Variants in THSD4 observed in about 807,000 individuals in gnomAD.
THSD4 encodes the protein thrombospondin type-1 domain-containing protein 4.
In THSD4, 69 loss-of-function variants were observed where a neutral mutation model predicts 119.0. The ratio of observed to expected loss-of-function variants is 0.58; its 90% CI spans 0.48 to 0.71. The LOEUF is 0.71. THSD4 is among the 30% of genes least tolerant of loss of function. The pLI is 0.00. For missense variants in THSD4, 1,393 were observed against 1,391.1 expected (o/e 1.00, Z -0.02); for synonymous variants, 524 against 540.4 (o/e 0.97, Z 0.42).
intron 7 of THSD4, among the ~76,000 whole-genome samples, chr15:71,499,773 A>C (rs2048083531): frequency 6.6e-6 from 1 of 152,104 alleles, no homozygotes; most frequent in Middle Eastern, 3.2e-3. Flanking sequence ...GGTGACTCCC[A>C]TATTTTACTT....
chr15:71,535,429 G>C (rs1344995151), intron 7 of THSD4, among the ~76,000 whole-genome samples: 3 of 152,176 alleles, frequency 2.0e-5, no homozygotes, highest in Non-Finnish European at 4.4e-5. Context: ...GGGCTATCAT[G>C]AATAATGCTG....
intron 4 of THSD4, among the ~76,000 whole-genome samples, chr15:71,215,852 G>A (rs2043928252): frequency 6.6e-6 from 1 of 152,232 alleles, no homozygotes; most frequent in Non-Finnish European, 1.5e-5. Context: ...TGGAGCCTTA[G>A]AATGCTCCCA....
intron 1 of THSD4, among the ~76,000 whole-genome samples, chr15:71,133,676 G>T (rs1294577899): frequency 6.6e-6 from 1 of 152,172 alleles, no homozygotes. Context: ...TCCCCACTTT[G>T]ATCTGCAGTA....
intron 1 of THSD4, among the ~76,000 whole-genome samples, chr15:71,133,328 G>A (rs931466752): frequency 1.3e-5 from 2 of 152,148 alleles, no homozygotes; most frequent in African/African-American, 4.8e-5. Flanking sequence ...CCTGGGCTGC[G>A]CAGTGGTGCC....
intron 7 of THSD4, among the ~76,000 whole-genome samples, chr15:71,576,409 G>A (rs2049449518): frequency 6.6e-6 from 1 of 152,070 alleles, no homozygotes; most frequent in South Asian, 2.1e-4. Flanking sequence ...CTCTCACTGG[G>A]AATTCTGAAT....
chr15:71,161,636 A>T (rs1170308041), intron 3 of THSD4, among the ~76,000 whole-genome samples: 1 of 151,268 alleles, frequency 6.6e-6, no homozygotes, highest in African/African-American at 2.4e-5. Context: ...TTTGTCTTTA[A>T]TGGCGAGGTG....
intron 7 of THSD4, among the ~76,000 whole-genome samples, chr15:71,456,823 G>A (rs557728090): frequency 1.8e-4 from 27 of 152,278 alleles, no homozygotes; most frequent in African/African-American, 6.0e-4. Flanking sequence ...CCATCTTGAG[G>A]CATTCCCTTC....
chr15:71,665,569 G>T (rs940034565), intron 8 of THSD4, among the ~76,000 whole-genome samples: 1 of 152,082 alleles, frequency 6.6e-6, no homozygotes, highest in Non-Finnish European at 1.5e-5. Flanking sequence ...TGAAATCCTT[G>T]CTAGTTCCTG....
At chr15:71,341,849 T>G in intron 6 of THSD4, 1 of 637,984 alleles carries the variant, frequency 1.6e-6, no homozygotes, top group Non-Finnish European at 2.8e-6. Context: ...TACTAGGTTT[T>G]TATTATATTT....
At chr15:71,761,704 G>A (rs2053630405) in intron 15 of THSD4, among the ~76,000 whole-genome samples, 1 of 152,144 alleles carries the variant, frequency 6.6e-6, no homozygotes, top group African/African-American at 2.4e-5. Flanking sequence ...TTTATGTCCT[G>A]TGTCTTCTTC....
Position 71,735,100 on chromosome 15 carries a change from A to T in THSD4, c.1631-2632A>T, listed in dbSNP as rs190409563. Among the ~76,000 whole-genome samples, 20 of 152,108 alleles carry T rather than the reference A, an allele frequency of 1.3e-4. No homozygotes were observed. The East Asian group carries it at 3.9e-3, about 29-fold the overall frequency. On this transcript the variant is annotated intron_variant, in intron 10 of 17. Coordinates refer to ENST00000261862, the MANE Select transcript of THSD4 (RefSeq NM_024817.3). ...GGGTTACACACACACACACACAGAC[A>T]CACACACACACATATTCTCACTCCA... is the stretch of plus-strand genomic sequence containing the variant.
intron 7 of THSD4, among the ~76,000 whole-genome samples, chr15:71,634,949 T>A (rs1272405903): frequency 1.3e-5 from 2 of 152,228 alleles, no homozygotes; most frequent in African/African-American, 4.8e-5. Flanking sequence ...TCAGCTGGGC[T>A]GTGGTTTGCT....
intron 7 of THSD4, among the ~76,000 whole-genome samples, chr15:71,567,621 C>T (rs1012627077): frequency 1.3e-5 from 2 of 150,316 alleles, no homozygotes; most frequent in African/African-American, 4.9e-5. Context: ...CACACACACA[C>T]ATGAAAGAGA....
intron 6 of THSD4, among the ~76,000 whole-genome samples, chr15:71,357,369 G>A (rs961332582): frequency 2.0e-5 from 3 of 152,180 alleles, no homozygotes; most frequent in Non-Finnish European, 4.4e-5. Flanking sequence ...GGAGGCCTGC[G>A]TTTCCTTGGC....
chr15:71,721,230 C>T (rs1029956458), intron 8 of THSD4, among the ~76,000 whole-genome samples: 1 of 152,046 alleles, frequency 6.6e-6, no homozygotes, highest in African/African-American at 2.4e-5. Context: ...AGACCAGGTG[C>T]GGTGGCTCAC....
intron 8 of THSD4, among the ~76,000 whole-genome samples, chr15:71,673,607 G>C (rs901531387): frequency 4.1e-4 from 63 of 152,208 alleles, no homozygotes; most frequent in African/African-American, 1.4e-3. Flanking sequence ...GATCTTTCCT[G>C]CTTTCTCTTG....
At chr15:71,331,494 A>T (rs879215666) in intron 6 of THSD4, among the ~76,000 whole-genome samples, 1 of 152,224 alleles carries the variant, frequency 6.6e-6, no homozygotes, top group Admixed American at 6.5e-5. Context: ...TACTAAATGC[A>T]AAAACCTGCT....
At chr15:71,752,389 A>G (rs575537511) in intron 14 of THSD4, among the ~76,000 whole-genome samples, 2 of 152,358 alleles carry the variant, frequency 1.3e-5, no homozygotes, top group East Asian at 3.9e-4. Flanking sequence ...TTATAAATAG[A>G]GCAAAGAATG....
upstream of THSD4, among the ~76,000 whole-genome samples, chr15:71,112,898 G>C (rs754840067): frequency 6.6e-6 from 1 of 152,178 alleles, no homozygotes; most frequent in Non-Finnish European, 1.5e-5. Context: ...ATGAGTATAG[G>C]CTGGTCTCTG....
Sources: allele counts gnomAD v4.1 joint callset (sites outside exome capture counted in the v4.1 genomes callset), GRCh38; gene constraint gnomAD v4.1.1; transcripts MANE v1.5; gene names NCBI Gene and HGNC (gene_info 2026-07-23, HGNC 2026-07-21).